The following NDUFAF2 variants were observed in gnomAD, a reference collection of about 807,000 sequenced individuals.
The protein encoded by NDUFAF2 is NADH dehydrogenase [ubiquinone] 1 alpha subcomplex assembly factor 2.
NDUFAF2 carries 13 observed loss-of-function variants against 22.8 expected under a neutral mutation model. That is an observed-to-expected ratio of 0.57 (90% CI 0.37 to 0.91). The LOEUF (loss-of-function observed/expected upper bound fraction) is 0.91. NDUFAF2 is among the 40% of genes least tolerant of loss of function. NDUFAF2 has a pLI of 0.01. For synonymous variants in NDUFAF2, 53 were observed against 64.2 expected, an observed-to-expected ratio of 0.83 and a Z score of 0.84; for missense variants, 162 against 195.2, an observed-to-expected ratio of 0.83 and a Z score of 1.01.
intron 1 of NDUFAF2, among the ~76,000 whole-genome samples, chr5:61,060,944 C>G (rs1338358951): frequency 1.3e-5 from 2 of 152,128 alleles, no homozygotes. Flanking sequence ...TCTCTCCTGG[C>G]CTGTGTGAAT....
At position 61,147,441 on chromosome 5, in the gene NDUFAF2, T is replaced by C. The variant is rs575971643; in HGVS notation, c.259-5263T>C. On this transcript the variant is annotated intron_variant, in intron 3 of 3. Transcript: ENST00000296597. The stretch of plus-strand genomic sequence containing the variant: ...TTTTTGTATTTTTTTTTCTTTCTTT[T>C]TTTTTTTTTTTTTGTAGCAACAGGG... Among the ~76,000 whole-genome samples the C allele has an allele frequency of 3.9e-4, 53 of 135,492 alleles. 2 individuals are homozygous for C. Among genetic ancestry groups the C allele is most frequent in the African/African-American group, 1.3e-3 (49 of 37,760 alleles). 88.9% of individuals were successfully genotyped at this position (135,492 alleles called of 152,430 possible).
intron 1 of NDUFAF2, among the ~76,000 whole-genome samples, chr5:60,981,685 G>A (rs1164977251): frequency 1.3e-5 from 2 of 152,084 alleles, no homozygotes; most frequent in Admixed American, 6.5e-5. Context: ...TAAAAAGTGG[G>A]GAGACAGTGT....
rs533085010 is a variant in NDUFAF2 at position 61,111,627 on chromosome 5, CT to C, written c.258+12604del. Among the ~76,000 whole-genome samples, 5 of 149,570 alleles carry C rather than the reference CT, an allele frequency of 3.3e-5. No individual in the cohort carries two copies. In the South Asian group the frequency reaches 8.5e-4, roughly 25 times the overall value. On this transcript the variant is annotated intron_variant, in intron 3 of 3. Coordinates refer to ENST00000296597, the MANE Select transcript of NDUFAF2 (RefSeq NM_174889.5). ...AGGTTTTTTTTGTTTGTTTTTTTGT[CT>C]TTTTTTTTGAGACAGAGTCTCACTC...
At chr5:60,998,133 A>G (rs1476390990) in intron 1 of NDUFAF2, among the ~76,000 whole-genome samples, 1 of 152,180 alleles carries the variant, frequency 6.6e-6, no homozygotes, top group African/African-American at 2.4e-5. Context: ...ATGTTCAGGA[A>G]CATTTTGGGC....
intron 1 of NDUFAF2, among the ~76,000 whole-genome samples, chr5:60,971,972 G>T (rs2928244): frequency 7.2e-6 from 1 of 139,594 alleles, no homozygotes; most frequent in African/African-American, 2.7e-5. Flanking sequence ...AGACGGAGTC[G>T]TGCTCTGTCA....
chr5:61,061,803 T>A (rs952514788), intron 1 of NDUFAF2, among the ~76,000 whole-genome samples: 1 of 152,096 alleles, frequency 6.6e-6, no homozygotes, highest in African/African-American at 2.4e-5. Flanking sequence ...CTGAGAGAGA[T>A]CCCCTAAGCT....
intron 3 of NDUFAF2, among the ~76,000 whole-genome samples, chr5:61,118,742 A>T (rs2111795718): frequency 6.6e-6 from 1 of 152,312 alleles, no homozygotes; most frequent in East Asian, 1.9e-4. Context: ...AGTTTTTCAA[A>T]AGTCTTTGAA....
At chr5:61,040,286 A>ACACACACACACACACGCGCGCGCGCGCG (rs1491193758) in intron 1 of NDUFAF2, among the ~76,000 whole-genome samples, 1 of 93,072 alleles carries the variant, frequency 1.1e-5, no homozygotes, top group African/African-American at 4.3e-5. Context: ...ACACACACAC[A>ACACACACACACACACGCGCGCGCGCGCG]CGCGCGCGCG....
intron 3 of NDUFAF2, among the ~76,000 whole-genome samples, chr5:61,147,505 C>T (rs1206061121): frequency 7.6e-6 from 1 of 132,070 alleles, no homozygotes; most frequent in African/African-American, 2.8e-5. Flanking sequence ...AACTCCTGGA[C>T]TCAAGAAATC....
chr5:60,957,693 A>G (rs1750635290), intron 1 of NDUFAF2, among the ~76,000 whole-genome samples: 1 of 152,134 alleles, frequency 6.6e-6, no homozygotes, highest in Non-Finnish European at 1.5e-5. Context: ...GTGCTCTGGT[A>G]GAATTACTTT....
At chr5:61,075,444 AG>A (rs1490850582) in intron 2 of NDUFAF2, among the ~76,000 whole-genome samples, 3 of 152,204 alleles carry the variant, frequency 2.0e-5, no homozygotes, top group African/African-American at 2.4e-5. Flanking sequence ...TTATTTTAGC[AG>A]ACTCTCCAGT....
intron 2 of NDUFAF2, among the ~76,000 whole-genome samples, chr5:61,074,764 A>G (rs1752346191): frequency 6.6e-6 from 1 of 152,030 alleles, no homozygotes; most frequent in Non-Finnish European, 1.5e-5. Context: ...CCGTCTCAAA[A>G]AAGAAAAGAA....
At chr5:61,018,181 G>C (rs1382827991) in intron 1 of NDUFAF2, among the ~76,000 whole-genome samples, 4 of 152,124 alleles carry the variant, frequency 2.6e-5, no homozygotes, top group Non-Finnish European at 5.9e-5. Context: ...TATTTATATG[G>C]TAAAATAATA....
At chr5:61,086,043 C>T (rs879734329) in intron 2 of NDUFAF2, among the ~76,000 whole-genome samples, 2 of 151,690 alleles carry the variant, frequency 1.3e-5, no homozygotes, top group African/African-American at 2.4e-5. Context: ...CACTTGAGCC[C>T]AGAAGTTTGA....
intron 1 of NDUFAF2, among the ~76,000 whole-genome samples, chr5:60,945,999 G>C (rs4647028): frequency 6.6e-6 from 1 of 151,994 alleles, no homozygotes; most frequent in African/African-American, 2.4e-5. Context: ...TTCCTTTCTC[G>C]GGAGTTGACA....
At chr5:60,975,066 C>T (rs1167090426) in intron 1 of NDUFAF2, among the ~76,000 whole-genome samples, 1 of 152,166 alleles carries the variant, frequency 6.6e-6, no homozygotes, top group African/African-American at 2.4e-5. Context: ...GCCTTGGCCT[C>T]CCAAAGTGCT....
At chr5:61,012,554 A>G (rs1751455282) in intron 1 of NDUFAF2, among the ~76,000 whole-genome samples, 1 of 152,054 alleles carries the variant, frequency 6.6e-6, no homozygotes, top group Non-Finnish European at 1.5e-5. Flanking sequence ...TAATTAGTGT[A>G]CAATTAAAAC....
chr5:61,064,404 G>A (rs1752204349), intron 1 of NDUFAF2, among the ~76,000 whole-genome samples: 1 of 152,096 alleles, frequency 6.6e-6, no homozygotes, highest in Non-Finnish European at 1.5e-5. Context: ...GGAACTAACA[G>A]ACATCTTCAG....
chr5:61,043,134 T>C (rs933441873), intron 1 of NDUFAF2, among the ~76,000 whole-genome samples: 2 of 151,996 alleles, frequency 1.3e-5, no homozygotes, highest in Non-Finnish European at 2.9e-5. Flanking sequence ...GCAGGAGAAT[T>C]GCTTGAACTT....
Sources: allele counts gnomAD v4.1 joint callset (sites outside exome capture counted in the v4.1 genomes callset), GRCh38; gene constraint gnomAD v4.1.1; transcripts MANE v1.5; gene names NCBI Gene and HGNC (gene_info 2026-07-23, HGNC 2026-07-21).